SNX29: variants seen among roughly 807,000 people sequenced by gnomAD.
SNX29 encodes the protein sorting nexin-29.
In SNX29, 78 loss-of-function variants were observed where a neutral mutation model predicts 102.1. The observed-to-expected ratio is 0.76, with a 90% confidence interval of 0.64 to 0.92. The LOEUF is 0.92. SNX29 is among the 40% of genes least tolerant of loss of function. The pLI, the probability that SNX29 is intolerant of heterozygous loss-of-function variation, is 0.00. For synonymous variants in SNX29, 580 were observed against 414.5 expected (o/e 1.40, Z -4.85); for missense variants, 1,280 against 1,061.7 (o/e 1.21, Z -2.86).
At chr16:12,071,967 TTGTC>T (rs1231087357) in intron 10 of SNX29, among the ~76,000 whole-genome samples, 4 of 151,938 alleles carry the variant, frequency 2.6e-5, no homozygotes, top group Non-Finnish European at 4.4e-5. Flanking sequence ...ATTTGGCTGT[TTGTC>T]TGTGATTGTT....
At chr16:12,553,951 C>T (rs1208323575) in intron 20 of SNX29, among the ~76,000 whole-genome samples, 2 of 152,122 alleles carry the variant, frequency 1.3e-5, no homozygotes. Flanking sequence ...CCTCAGCCAC[C>T]CAAGTAGCTG....
chr16:12,453,673 G>A (rs182011658), intron 18 of SNX29, among the ~76,000 whole-genome samples: 8 of 152,188 alleles, frequency 5.3e-5, no homozygotes, highest in Admixed American at 2.0e-4. Context: ...GAGCCACCTC[G>A]CTGGCCCTCA....
intron 14 of SNX29, among the ~76,000 whole-genome samples, chr16:12,228,491 C>G (rs2077680413): frequency 6.6e-6 from 1 of 152,236 alleles, no homozygotes; most frequent in Non-Finnish European, 1.5e-5. Context: ...CACTCTTACC[C>G]CTTTCTTTAC....
Position 12,043,060 on chromosome 16 carries a change from C to G in SNX29, c.411C>G (p.Ala137=). 1 of 1,613,316 alleles carries G rather than the reference C, an allele frequency of 6.2e-7. No homozygotes were observed. The highest frequency in any genetic ancestry group is 1.1e-5 in the South Asian group (1 of 91,044). The change falls in exon 5 of 21, where the codon GCC becomes GCG. Residue 137 remains alanine (A), a synonymous_variant. Transcript: ENST00000566228. ...SLERYLHMLL[A]DRCRLSTFYE... ...AGCGCTACCTGCACATGCTCCTGGC[C>G]GACCGCTGCAGGCTGAGGTACGTGG...
At chr16:12,485,462 T>C (rs1406125993) in intron 19 of SNX29, among the ~76,000 whole-genome samples, 1 of 152,224 alleles carries the variant, frequency 6.6e-6, no homozygotes, top group Non-Finnish European at 1.5e-5. Flanking sequence ...TTCAACTTGT[T>C]GGAGAAATTA....
At chr16:12,561,001 G>A (rs2078695898) in intron 20 of SNX29, 1 of 216,706 alleles carries the variant, frequency 4.6e-6, no homozygotes, top group Non-Finnish European at 9.3e-6. Context: ...AGCCATTTCT[G>A]GATCAGTTGT....
chr16:12,430,834 G>A (rs986900037), intron 18 of SNX29, among the ~76,000 whole-genome samples: 3 of 151,610 alleles, frequency 2.0e-5, no homozygotes, highest in African/African-American at 7.3e-5. Flanking sequence ...TCCAGGAGGG[G>A]GTGATTCTTG....
At chr16:12,279,931 C>T (rs1234431754) in intron 15 of SNX29, among the ~76,000 whole-genome samples, 1 of 152,154 alleles carries the variant, frequency 6.6e-6, no homozygotes, top group Non-Finnish European at 1.5e-5. Flanking sequence ...CAGTGCAGCT[C>T]AGTGAGGGTG....
At chr16:12,020,562 A>T (rs1025881623) in intron 3 of SNX29, among the ~76,000 whole-genome samples, 3 of 151,798 alleles carry the variant, frequency 2.0e-5, no homozygotes, top group Non-Finnish European at 4.4e-5. Flanking sequence ...TGCTCCTGAA[A>T]TTCATGGATT....
At chr16:12,448,850 C>A (rs1239951316) in intron 18 of SNX29, among the ~76,000 whole-genome samples, 1 of 152,200 alleles carries the variant, frequency 6.6e-6, no homozygotes, top group Non-Finnish European at 1.5e-5. Flanking sequence ...TTTCTTCTAA[C>A]TAAGCATCTT....
chr16:12,150,615 G>A (rs1289058814), intron 13 of SNX29, among the ~76,000 whole-genome samples: 1 of 152,220 alleles, frequency 6.6e-6, no homozygotes, highest in Non-Finnish European at 1.5e-5. Context: ...ACCAGGAACA[G>A]CGTCTAATGA....
At chr16:12,130,855 A>G (rs1170160783) in intron 13 of SNX29, among the ~76,000 whole-genome samples, 1 of 151,862 alleles carries the variant, frequency 6.6e-6, no homozygotes, top group Non-Finnish European at 1.5e-5. Context: ...AGAGCTCCTG[A>G]CATTTCCTTG....
chr16:12,360,064 T>A (rs946626892), intron 16 of SNX29, among the ~76,000 whole-genome samples: 1 of 152,232 alleles, frequency 6.6e-6, no homozygotes, highest in Non-Finnish European at 1.5e-5. Context: ...TCTCGAGTGA[T>A]CTGCCCGCCT....
At chr16:12,380,277 C>G (rs1194045360) in intron 16 of SNX29, among the ~76,000 whole-genome samples, 2 of 150,066 alleles carry the variant, frequency 1.3e-5, no homozygotes, top group Non-Finnish European at 2.9e-5. Context: ...CCTGTCCAGA[C>G]TGTTCTCATC....
intron 3 of SNX29, among the ~76,000 whole-genome samples, chr16:12,009,479 G>GTA (rs111876876): frequency 0.015 from 2,261 of 149,956 alleles, 37 homozygotes; most frequent in African/African-American, 0.044. Context: ...GTGTGTGTGT[G>GTA]TATATATATA....
intron 1 of SNX29, chr16:11,977,077 A>G: frequency 5.3e-6 from 2 of 380,848 alleles, no homozygotes; most frequent in Non-Finnish European, 9.2e-6. Flanking sequence ...CCCTGTCCCC[A>G]GTTGTTCCAG....
intron 8 of SNX29, chr16:12,052,511 C>G (rs368923678): frequency 1.4e-5 from 5 of 362,684 alleles, no homozygotes; most frequent in South Asian, 7.4e-5. Context: ...GCCACCACGC[C>G]CAGCCTTCCC....
chr16:12,543,643 G>T (rs375010261), intron 20 of SNX29, among the ~76,000 whole-genome samples: 11 of 151,860 alleles, frequency 7.2e-5, no homozygotes, highest in East Asian at 1.9e-4. Flanking sequence ...AGCTGGTGCC[G>T]TCTGTCTCCA....
chr16:12,426,404 C>T (rs910559610), intron 18 of SNX29, among the ~76,000 whole-genome samples: 6 of 152,152 alleles, frequency 3.9e-5, no homozygotes, highest in Non-Finnish European at 7.4e-5. Context: ...TGACACGTCA[C>T]TCCCTCAAAA....
Sources: allele counts gnomAD v4.1 joint callset (sites outside exome capture counted in the v4.1 genomes callset), GRCh38; gene constraint gnomAD v4.1.1; transcripts MANE v1.5; gene names NCBI Gene and HGNC (gene_info 2026-07-23, HGNC 2026-07-21).